CSNK1G1: variants seen among roughly 807,000 people sequenced by gnomAD.
CSNK1G1 encodes the protein casein kinase 1 gamma 1.
CSNK1G1 carries 22 observed loss-of-function variants against 59.6 expected under a neutral mutation model. The ratio of observed to expected loss-of-function variants is 0.37; its 90% CI spans 0.26 to 0.53. CSNK1G1 has a LOEUF of 0.53. Ranked by LOEUF, CSNK1G1 falls within the 20% of genes least tolerant of loss-of-function variation. The probability of loss-of-function intolerance (pLI) is 0.89; values close to 1 mark genes in which losing one functional copy is unlikely to be tolerated. For missense variants in CSNK1G1, 384 were observed against 519.5 expected (o/e 0.74, Z 2.54); for synonymous variants, 179 against 177.1 (o/e 1.01, Z -0.08).
chr15:64,261,244 T>C (rs1596177152), intron 2 of CSNK1G1, among the ~76,000 whole-genome samples: 2 of 152,218 alleles, frequency 1.3e-5, no homozygotes, highest in East Asian at 3.8e-4. Flanking sequence ...GATGTGACTC[T>C]GCGCAAAGAT....
intron 1 of CSNK1G1, among the ~76,000 whole-genome samples, chr15:64,343,495 C>T (rs1596301572): frequency 6.6e-6 from 1 of 152,028 alleles, no homozygotes; most frequent in South Asian, 2.1e-4. Context: ...GATTCTGATT[C>T]ATCTGATTTT....
At chr15:64,278,423 TATATATA>T (rs1249376959) in intron 2 of CSNK1G1, among the ~76,000 whole-genome samples, 11 of 113,062 alleles carry the variant, frequency 9.7e-5, no homozygotes, top group African/African-American at 4.4e-4. Flanking sequence ...TGTGTGTATA[TATATATA>T]TATTTTTTTT....
intron 1 of CSNK1G1, among the ~76,000 whole-genome samples, chr15:64,346,069 C>T (rs576680080): frequency 4.8e-4 from 48 of 100,770 alleles, no homozygotes; most frequent in African/African-American, 1.5e-3. Context: ...GTGTGAGCCA[C>T]TGCACCCGGC....
intron 4 of CSNK1G1, among the ~76,000 whole-genome samples, chr15:64,238,518 A>AAAAAAAAAAAATATAT (rs1555396879): frequency 4.1e-5 from 2 of 49,246 alleles, no homozygotes; most frequent in African/African-American, 2.3e-4. Flanking sequence ...AAAAAAAAAA[A>AAAAAAAAAAAATATAT]ATATATATAT....
chr15:64,309,487 T>C (rs2140419078), intron 1 of CSNK1G1, among the ~76,000 whole-genome samples: 1 of 152,222 alleles, frequency 6.6e-6, no homozygotes, highest in South Asian at 2.1e-4. Flanking sequence ...GTACCATGAC[T>C]ATAGTACCTG....
chr15:64,262,825 T>C (rs996794797), intron 2 of CSNK1G1, among the ~76,000 whole-genome samples: 2 of 152,198 alleles, frequency 1.3e-5, no homozygotes, highest in African/African-American at 4.8e-5. Flanking sequence ...ACGCCTGTAA[T>C]CCCAGCACTT....
At chr15:64,232,149 C>T (rs1281542521) in intron 4 of CSNK1G1, among the ~76,000 whole-genome samples, 1 of 152,148 alleles carries the variant, frequency 6.6e-6, no homozygotes, top group East Asian at 1.9e-4. Flanking sequence ...TGTTAGACTG[C>T]TGAAAGCACA....
chr15:64,184,469 C>G (rs1472995558), intron 10 of CSNK1G1, among the ~76,000 whole-genome samples: 1 of 151,748 alleles, frequency 6.6e-6, no homozygotes, highest in Non-Finnish European at 1.5e-5. Flanking sequence ...CTGAGCTCAG[C>G]AGTTCGAGAC....
chr15:64,231,342 A>T (rs114727618), intron 4 of CSNK1G1, among the ~76,000 whole-genome samples: 1,594 of 147,214 alleles, frequency 0.011, 26 homozygotes, highest in African/African-American at 0.036. Flanking sequence ...TATATATATT[A>T]TATATATATT....
At chr15:64,338,428 G>A (rs1162396977) in intron 1 of CSNK1G1, among the ~76,000 whole-genome samples, 1 of 152,020 alleles carries the variant, frequency 6.6e-6, no homozygotes, top group Admixed American at 6.6e-5. Context: ...AGCCCGGCGC[G>A]GTGGCTCACA....
intron 4 of CSNK1G1, among the ~76,000 whole-genome samples, chr15:64,247,028 C>T (rs1891796604): frequency 6.6e-6 from 1 of 152,166 alleles, no homozygotes; most frequent in Non-Finnish European, 1.5e-5. Flanking sequence ...CATACTGTCA[C>T]TCTTCCTAAT....
At chr15:64,303,250 A>T (rs1895461768) in intron 1 of CSNK1G1, among the ~76,000 whole-genome samples, 1 of 149,604 alleles carries the variant, frequency 6.7e-6, no homozygotes, top group Non-Finnish European at 1.5e-5. Context: ...CTAAAAAAAA[A>T]AACAAAAAAA....
intron 2 of CSNK1G1, among the ~76,000 whole-genome samples, chr15:64,284,876 T>C (rs1160285459): frequency 6.6e-6 from 1 of 152,098 alleles, no homozygotes; most frequent in Non-Finnish European, 1.5e-5. Context: ...TTTCAGCAAA[T>C]ATAATTTATA....
intron 3 of CSNK1G1, among the ~76,000 whole-genome samples, chr15:64,257,735 G>T (rs913046966): frequency 6.6e-6 from 1 of 152,084 alleles, no homozygotes; most frequent in Non-Finnish European, 1.5e-5. Context: ...TGTTGCCCAG[G>T]CTGGTCTTGA....
At chr15:64,242,759 C>T (rs1424346879) in intron 4 of CSNK1G1, among the ~76,000 whole-genome samples, 1 of 152,120 alleles carries the variant, frequency 6.6e-6, no homozygotes, top group African/African-American at 2.4e-5. Flanking sequence ...GATGCCAAAA[C>T]CAGACCAGGA....
intron 4 of CSNK1G1, among the ~76,000 whole-genome samples, chr15:64,250,384 C>T (rs1892009071): frequency 6.6e-6 from 1 of 152,170 alleles, no homozygotes; most frequent in Admixed American, 6.5e-5. Context: ...CACAATGACT[C>T]ATATAATTCT....
chr15:64,230,710 C>G (rs974497700), intron 4 of CSNK1G1, among the ~76,000 whole-genome samples: 1 of 152,170 alleles, frequency 6.6e-6, no homozygotes, highest in Admixed American at 6.5e-5. Flanking sequence ...CAGTGGCTCA[C>G]GCCTGTAATC....
rs779834417 is a variant in CSNK1G1 at position 64,222,673 on chromosome 15, T to TA, written c.293-5961dup. Among the ~76,000 whole-genome samples the TA allele has an allele frequency of 8.4e-3, 1,124 of 134,364 alleles. 1 individual carries two copies. The highest frequency in any genetic ancestry group is 0.015 in the African/African-American group (536 of 36,644). 88.1% of individuals were successfully genotyped at this position (134,364 alleles called of 152,430 possible). A position where few individuals can be genotyped will look rare whatever the true frequency, so the allele number is the denominator to read the frequency against. On this transcript the variant is annotated intron_variant, in intron 4 of 11. Coordinates refer to ENST00000303052, the MANE Select transcript of CSNK1G1 (RefSeq NM_022048.5). ...ATCTATCAGAAATATCTTTAAAACT[T>TA]AAAAAAAAAAAAAAACCCAAAATGA...
intron 10 of CSNK1G1, among the ~76,000 whole-genome samples, chr15:64,195,360 A>G (rs1379186304): frequency 6.6e-6 from 1 of 152,100 alleles, no homozygotes; most frequent in East Asian, 1.9e-4. Context: ...AACAAAACCC[A>G]CCATAATAAA....
Sources: gnomAD v4.1 joint callset for allele counts (sites outside exome capture counted in the v4.1 genomes callset) on GRCh38, gnomAD v4.1.1 for gene constraint, MANE v1.5 for transcripts, NCBI Gene and HGNC (gene_info 2026-07-23, HGNC 2026-07-21) for gene names.